Variants in ADAM10 observed in about 807,000 individuals in gnomAD.
The protein encoded by ADAM10 is ADAM metallopeptidase domain 10.
A neutral mutation model predicts 90.1 loss-of-function variants in ADAM10; 17 were observed. The observed-to-expected ratio is 0.19, with a 90% CI of 0.13 to 0.28. ADAM10 has a LOEUF of 0.28. Among genes scored for constraint, ADAM10 ranks in the 10% least tolerant of loss-of-function variants. ADAM10 has a pLI of 1.00. For missense variants in ADAM10, 610 were observed against 914.3 expected, an observed-to-expected ratio of 0.67 and a Z score of 4.29; for synonymous variants, 310 against 298.6, an observed-to-expected ratio of 1.04 and a Z score of -0.40.
intron 2 of ADAM10, among the ~76,000 whole-genome samples, chr15:58,705,550 T>G (rs1898255064): frequency 6.6e-6 from 1 of 152,138 alleles, no homozygotes; most frequent in African/African-American, 2.4e-5. Flanking sequence ...TAATAGCTGG[T>G]TTTTCTTTCT....
At chr15:58,715,793 C>T (rs184306186) in intron 2 of ADAM10, among the ~76,000 whole-genome samples, 1 of 152,206 alleles carries the variant, frequency 6.6e-6, no homozygotes, top group East Asian at 1.9e-4. Flanking sequence ...TTAGTTTTGC[C>T]ATTTATTCAA....
chr15:58,744,761 G>C (rs1899732397), intron 1 of ADAM10, among the ~76,000 whole-genome samples: 1 of 152,224 alleles, frequency 6.6e-6, no homozygotes, highest in Non-Finnish European at 1.5e-5. Flanking sequence ...TGTAATCCCA[G>C]CACTTTGGGA....
At chr15:58,625,771 G>A (rs1427725058) in intron 10 of ADAM10, among the ~76,000 whole-genome samples, 1 of 152,124 alleles carries the variant, frequency 6.6e-6, no homozygotes, top group Non-Finnish European at 1.5e-5. Context: ...CTTTCAAATG[G>A]ATGGTTAAAC....
rs1186238767 is a variant in ADAM10 at position 58,591,516 on chromosome 15, G to T, written c.*6031C>A. 1 of 151,900 alleles carries T rather than the reference G, an allele frequency of 6.6e-6. No homozygotes were observed. Among genetic ancestry groups the T allele is most frequent in the Non-Finnish European group, 1.5e-5 (1 of 67,978 alleles). 9.4% of individuals were successfully genotyped at this position (151,900 alleles called of 1,614,324 possible). ...GAGCTCAAGTGATCCTCCCACCTTG[G>T]CCTCCCAAAGTGTTGGGATTACAGG... On this transcript the variant is annotated 3_prime_UTR_variant, in exon 16 of 16. Transcript: ENST00000260408.
chr15:58,708,427 T>C (rs2140801929), intron 2 of ADAM10, among the ~76,000 whole-genome samples: 1 of 151,946 alleles, frequency 6.6e-6, no homozygotes, highest in South Asian at 2.1e-4. Flanking sequence ...TCTGGGAGGC[T>C]GAGGTAGGAG....
intron 2 of ADAM10, among the ~76,000 whole-genome samples, 155 bp downstream of exon 2, chr15:58,717,422 G>A (rs985589687): frequency 1.3e-5 from 2 of 152,044 alleles, no homozygotes; most frequent in Non-Finnish European, 2.9e-5. Flanking sequence ...TTTAAAATAA[G>A]TCATTTTTTA....
rs1274723076 is a variant in ADAM10, at chr15:58,610,471, C to T, written c.1851G>A (p.Arg617=). 2 of 1,614,148 alleles carry T rather than the reference C, an allele frequency of 1.2e-6. No individual in the cohort carries two copies. The highest frequency in any genetic ancestry group is 1.7e-5 in the Admixed American group (1 of 60,024). Residue 617 remains arginine, a synonymous_variant, in exon 14 of 16, where the codon AGG becomes AGA. Transcript: ENST00000260408. ...GGGTGATGGTTCGACCACTGAAGTG[C>T]CTACTCCACTGCACAGACCCTGTAC... ...CASTGSVQWS[R]HFSGRTITLQ... is the part of the protein sequence containing the mutation.
intron 9 of ADAM10, among the ~76,000 whole-genome samples, chr15:58,628,459 A>C (rs1267550427): frequency 6.6e-6 from 1 of 152,204 alleles, no homozygotes; most frequent in Non-Finnish European, 1.5e-5. Flanking sequence ...CCTAGAGATA[A>C]AACCAAAATA....
intron 6 of ADAM10, among the ~76,000 whole-genome samples, chr15:58,645,054 T>C (rs889630373): frequency 6.6e-6 from 1 of 152,220 alleles, no homozygotes; most frequent in African/African-American, 2.4e-5. Flanking sequence ...CTTGCTACCA[T>C]TTATGTGAAA....
intron 2 of ADAM10, chr15:58,686,558 GT>G: frequency 7.4e-7 from 1 of 1,357,978 alleles, no homozygotes. Flanking sequence ...TGCCCTGCTG[GT>G]GGGTGTTCTA....
intron 13 of ADAM10, 143 bp downstream of exon 13, chr15:58,610,856 G>A (rs773524376): frequency 3.4e-5 from 24 of 715,812 alleles, no homozygotes; most frequent in Admixed American, 1.1e-4. Flanking sequence ...ACAATGCTAC[G>A]TTACATTTAT....
At chr15:58,670,296 G>C (rs1237269071) in intron 4 of ADAM10, among the ~76,000 whole-genome samples, 1 of 151,930 alleles carries the variant, frequency 6.6e-6, no homozygotes, top group Non-Finnish European at 1.5e-5. Flanking sequence ...TTAATTTATA[G>C]GTGTAAGAGT....
intron 14 of ADAM10, among the ~76,000 whole-genome samples, chr15:58,600,038 C>T (rs754410860): frequency 8.5e-5 from 13 of 152,116 alleles, no homozygotes; most frequent in Admixed American, 3.9e-4. Flanking sequence ...AAACTGGGGT[C>T]ATCTTGCATA....
intron 5 of ADAM10, among the ~76,000 whole-genome samples, chr15:58,659,425 GT>G (rs1896916362): frequency 6.6e-6 from 1 of 152,092 alleles, no homozygotes. Context: ...CATGTGTTGA[GT>G]GCTGAAATTT....
At chr15:58,690,534 G>A (rs1897749023) in intron 2 of ADAM10, among the ~76,000 whole-genome samples, 1 of 152,070 alleles carries the variant, frequency 6.6e-6, no homozygotes, top group African/African-American at 2.4e-5. Flanking sequence ...CAAAAAAACA[G>A]GATATACAAC....
At chr15:58,682,340 A>T (rs201817685) in intron 2 of ADAM10, 26 bp from the exon 3 acceptor site, 5 of 1,601,708 alleles carry the variant, frequency 3.1e-6, no homozygotes, top group Non-Finnish European at 3.4e-6. Flanking sequence ...GGAAGGGGGA[A>T]CAACTGAAAT....
intron 2 of ADAM10, among the ~76,000 whole-genome samples, chr15:58,701,447 C>T (rs1898132837): frequency 6.6e-6 from 1 of 152,020 alleles, no homozygotes; most frequent in African/African-American, 2.4e-5. Context: ...ATCATCTTAC[C>T]GCAGTTAGAA....
intron 8 of ADAM10, among the ~76,000 whole-genome samples, chr15:58,640,530 T>G (rs1434255691): frequency 6.6e-6 from 1 of 152,310 alleles, no homozygotes; most frequent in East Asian, 1.9e-4. Flanking sequence ...CATAAAATTA[T>G]TTATTTCATT....
intron 7 of ADAM10, among the ~76,000 whole-genome samples, chr15:58,642,960 A>G (rs1896453881): frequency 6.6e-6 from 1 of 152,210 alleles, no homozygotes; most frequent in Non-Finnish European, 1.5e-5. Flanking sequence ...CTGAATGTAT[A>G]TACTAAACTT....
Sources: allele counts gnomAD v4.1 joint callset (sites outside exome capture counted in the v4.1 genomes callset), GRCh38; gene constraint gnomAD v4.1.1; transcripts MANE v1.5; gene names NCBI Gene and HGNC (gene_info 2026-07-23, HGNC 2026-07-21).